The following LAMA2 variants were observed in gnomAD, a reference collection of about 807,000 sequenced individuals.
LAMA2 encodes laminin subunit alpha-2.
A neutral mutation model predicts 364.8 loss-of-function variants in LAMA2; 269 were observed. That is an observed-to-expected ratio of 0.74 (90% CI 0.67 to 0.82). The LOEUF is 0.82. Among genes scored for constraint, LAMA2 ranks in the 40% least tolerant of loss-of-function variants. LAMA2 has a pLI of 0.00. For synonymous variants in LAMA2, 1,379 were observed against 1,370.6 expected (o/e 1.01, Z -0.14); for missense variants, 3,807 against 3,873.2 (o/e 0.98, Z 0.45).
intron 20 of LAMA2, among the ~76,000 whole-genome samples, chr6:129,293,310 A>G (rs1344268826): frequency 6.6e-6 from 1 of 152,238 alleles, no homozygotes; most frequent in Non-Finnish European, 1.5e-5. Flanking sequence ...TCAATTAACC[A>G]TGAATATGTG....
intron 34 of LAMA2, among the ~76,000 whole-genome samples, chr6:129,378,146 G>T (rs907488370): frequency 6.6e-6 from 1 of 152,098 alleles, no homozygotes; most frequent in South Asian, 2.1e-4. Flanking sequence ...ATGAAAGGAA[G>T]ATTGTACAAC....
chr6:129,239,747 C>G (rs754445702), intron 12 of LAMA2, among the ~76,000 whole-genome samples: 3 of 152,112 alleles, frequency 2.0e-5, no homozygotes, highest in Non-Finnish European at 4.4e-5. Context: ...AACCCCTGGG[C>G]TCAAGCAATC....
At chr6:128,972,004 T>C (rs1782216457) in intron 1 of LAMA2, among the ~76,000 whole-genome samples, 1 of 152,020 alleles carries the variant, frequency 6.6e-6, no homozygotes, top group Non-Finnish European at 1.5e-5. Context: ...AAAGGCCTGG[T>C]AAAGGGTTAT....
chr6:129,270,534 A>G, intron 16 of LAMA2, 90 bp from the exon 17 acceptor site: 1 of 1,269,236 alleles, frequency 7.9e-7, no homozygotes, highest in Non-Finnish European at 1.2e-6. Flanking sequence ...GCTGGCAGGG[A>G]GCAGACTAAT....
At chr6:129,208,634 GAAAGAAA>G (rs1423083385) in intron 12 of LAMA2, among the ~76,000 whole-genome samples, 35 of 113,680 alleles carry the variant, frequency 3.1e-4, no homozygotes, top group African/African-American at 1.7e-3. Context: ...AAAGAAAGAA[GAAAGAAA>G]GAAGGAAGGA....
At chr6:129,371,429 T>A (rs936532250) in intron 34 of LAMA2, among the ~76,000 whole-genome samples, 3 of 151,818 alleles carry the variant, frequency 2.0e-5, no homozygotes, top group East Asian at 1.9e-4. Flanking sequence ...TTAGAAAAAA[T>A]TTCATGTAAT....
chr6:129,322,002 G>A (rs2114517192), intron 28 of LAMA2, among the ~76,000 whole-genome samples: 1 of 152,268 alleles, frequency 6.6e-6, no homozygotes, highest in Non-Finnish European at 1.5e-5. Flanking sequence ...TGATTTAAAT[G>A]GAAACGTATG....
intron 1 of LAMA2, among the ~76,000 whole-genome samples, chr6:129,004,219 C>T (rs1175614143): frequency 1.1e-4 from 5 of 44,024 alleles, no homozygotes; most frequent in African/African-American, 1.7e-4. Flanking sequence ...CACATGGACA[C>T]AGGAAGGGGA....
In LAMA2 at chr6:129,486,537, AC is replaced by A. The variant is rs2114848989; in HGVS notation, c.7814del (p.Thr2605LysfsTer2). 4 of 1,614,022 alleles carry A rather than the reference AC, an allele frequency of 2.5e-6. No homozygotes were observed. Among genetic ancestry groups the A allele is most frequent in the Non-Finnish European group, 2.5e-6 (3 of 1,179,940 alleles). On this transcript the variant is annotated frameshift_variant, in exon 56 of 65. Coordinates refer to ENST00000421865, the MANE Select transcript of LAMA2 (RefSeq NM_000426.4). LOFTEE classifies it high-confidence loss of function. ...AGTGCATCTCTCCACAGGGGCACGA[AC>A]AATGAGGAAAATTGTGATCAGACCA... is the stretch of plus-strand genomic sequence containing the variant. The part of the protein sequence containing the change: ...LEVHLSTGAR[T>X]MRKIVIRPEP...
At chr6:129,515,828 AACACTTTGGAATT>A (rs1172015673) in intron 64 of LAMA2, among the ~76,000 whole-genome samples, 5 of 152,174 alleles carry the variant, frequency 3.3e-5, no homozygotes, top group African/African-American at 4.8e-5. Flanking sequence ...CTGTAATCCC[AACACTTTGGAATT>A]ACACTTTGGG....
At chr6:129,136,504 G>A (rs369626357) in intron 4 of LAMA2, among the ~76,000 whole-genome samples, 1 of 151,472 alleles carries the variant, frequency 6.6e-6, no homozygotes. Flanking sequence ...GATACAACAT[G>A]AGAGAGAGAC....
chr6:129,423,763 A>T (rs1781194454), intron 40 of LAMA2, among the ~76,000 whole-genome samples: 1 of 152,068 alleles, frequency 6.6e-6, no homozygotes. Context: ...AATAAAAGAA[A>T]ATCTAAATAA....
intron 7 of LAMA2, among the ~76,000 whole-genome samples, chr6:129,151,754 CATG>C (rs760051233): frequency 1.3e-5 from 2 of 152,148 alleles, no homozygotes; most frequent in African/African-American, 2.4e-5. Flanking sequence ...CACTCACTAT[CATG>C]AGGACAGCAT....
intron 17 of LAMA2, among the ~76,000 whole-genome samples, chr6:129,275,915 AG>A: frequency 6.6e-6 from 1 of 152,216 alleles, no homozygotes; most frequent in Admixed American, 6.6e-5. Context: ...AAATAAATCA[AG>A]TCTAATTAAG....
At chr6:128,968,207 A>G (rs1312557223) in intron 1 of LAMA2, among the ~76,000 whole-genome samples, 1 of 152,206 alleles carries the variant, frequency 6.6e-6, no homozygotes, top group African/African-American at 2.4e-5. Flanking sequence ...AGATGTACTC[A>G]TGCCCTAGAT....
At chr6:129,093,052 G>A (rs979364710) in intron 3 of LAMA2, among the ~76,000 whole-genome samples, 7 of 152,094 alleles carry the variant, frequency 4.6e-5, no homozygotes, top group Non-Finnish European at 8.8e-5. Flanking sequence ...TGTGATCTCG[G>A]CTCACTGCAA....
At chr6:129,210,765 C>CA (rs1178572859) in intron 12 of LAMA2, among the ~76,000 whole-genome samples, 2 of 152,058 alleles carry the variant, frequency 1.3e-5, no homozygotes, top group African/African-American at 2.4e-5. Context: ...TTAGAACACC[C>CA]AAAAACAAAC....
intron 1 of LAMA2, among the ~76,000 whole-genome samples, chr6:128,918,602 C>T (rs775712376): frequency 2.0e-5 from 3 of 152,142 alleles, no homozygotes; most frequent in African/African-American, 7.2e-5. Context: ...AGTGGTCTTC[C>T]TCATCTTCAT....
chr6:129,357,005 G>A (rs571913582), intron 32 of LAMA2, among the ~76,000 whole-genome samples: 1 of 152,120 alleles, frequency 6.6e-6, no homozygotes, highest in Admixed American at 6.6e-5. Context: ...TGTTATGTAA[G>A]TTGGTGAGTT....
Sources: gnomAD v4.1 joint callset for allele counts (sites outside exome capture counted in the v4.1 genomes callset) on GRCh38, gnomAD v4.1.1 for gene constraint, MANE v1.5 for transcripts, NCBI Gene and HGNC (gene_info 2026-07-23, HGNC 2026-07-21) for gene names.